ADK: variants seen among roughly 807,000 people sequenced by gnomAD.
The protein encoded by ADK is N6,N6-dimethyladenosine kinase.
A neutral mutation model predicts 44.7 loss-of-function variants in ADK; 24 were observed. The ratio of observed to expected loss-of-function variants is 0.54; its 90% CI spans 0.39 to 0.76. The LOEUF (loss-of-function observed/expected upper bound fraction) is 0.76. Ranked by LOEUF, ADK falls within the 30% of genes least tolerant of loss-of-function variation. ADK has a pLI of 0.00. For synonymous variants in ADK, 128 were observed against 142.6 expected (o/e 0.90, Z 0.73); for missense variants, 321 against 425.1 (o/e 0.76, Z 2.15).
chr10:74,363,203 C>T (rs1404808461), intron 4 of ADK, among the ~76,000 whole-genome samples: 9 of 152,174 alleles, frequency 5.9e-5, no homozygotes, highest in South Asian at 2.1e-4. Flanking sequence ...TCCAGTTGGG[C>T]GTGTGTCTCC....
chr10:74,659,025 A>G (rs1854598451), intron 9 of ADK, among the ~76,000 whole-genome samples: 1 of 151,982 alleles, frequency 6.6e-6, no homozygotes, highest in Non-Finnish European at 1.5e-5. Context: ...AAACCAGCCT[A>G]GGCAACATAG....
chr10:74,289,902 T>C (rs1591993069), intron 3 of ADK, among the ~76,000 whole-genome samples: 1 of 152,036 alleles, frequency 6.6e-6, no homozygotes, highest in Middle Eastern at 3.4e-3. Context: ...TATATTGTAG[T>C]ACACCTGAAA....
Position 74,224,583 on chromosome 10 carries a change from C to T in ADK, c.186C>T (p.His62=), listed in dbSNP as rs369965648. The T allele has an allele frequency of 1.6e-5, 26 of 1,613,318 alleles. No individual in the cohort carries two copies. The highest frequency in any genetic ancestry group is 1.9e-5 in the Non-Finnish European group (23 of 1,179,568). Residue 62 remains histidine, a synonymous_variant, in exon 3 of 11, where the codon CAC becomes CAT. Transcript: ENST00000539909. ...ACCAAATCTTGGCTGAAGACAAACA[C>T]AAGGAACTGTAAGTGCATTAAACCA... ...PNDQILAEDK[H]KELFDELVKK...
chr10:74,568,645 T>C (rs1850791928), intron 7 of ADK, among the ~76,000 whole-genome samples: 1 of 151,848 alleles, frequency 6.6e-6, no homozygotes, highest in South Asian at 2.1e-4. Flanking sequence ...ATTTCTTTTT[T>C]TTTTTTTTAC....
At chr10:74,462,007 G>C (rs1244000271) in intron 6 of ADK, among the ~76,000 whole-genome samples, 1 of 152,038 alleles carries the variant, frequency 6.6e-6, no homozygotes. Flanking sequence ...GTTGGTTGTT[G>C]AGTTATTATG....
chr10:74,438,431 C>T (rs1002779634), intron 6 of ADK, among the ~76,000 whole-genome samples: 2 of 151,518 alleles, frequency 1.3e-5, no homozygotes, highest in East Asian at 1.9e-4. Flanking sequence ...GGGGTTTTAC[C>T]GTGTTAGCCA....
intron 3 of ADK, among the ~76,000 whole-genome samples, chr10:74,303,493 T>C (rs1219146067): frequency 6.6e-6 from 1 of 151,762 alleles, no homozygotes; most frequent in East Asian, 1.9e-4. Context: ...TGTTTTAAAC[T>C]TCAGCAAACT....
At position 74,568,761 on chromosome 10, in the gene ADK, G is replaced by T. The variant is rs1338427103; in HGVS notation, c.727-20521G>T. On this transcript the variant is annotated intron_variant, in intron 7 of 10. Coordinates refer to ENST00000539909, the MANE Select transcript of ADK (RefSeq NM_006721.4). ...TTATAATTCTGTATAATAGTTATTT[G>T]TACTTTTTATATTTTTATCTTTTTT... 3.3e-5 allele frequency among the ~76,000 whole-genome samples: 5 copies of T among 149,856 alleles called. 1 individual carries two copies. The highest frequency in any genetic ancestry group is 1.2e-4 in the African/African-American group (5 of 40,690).
chr10:74,600,394 G>A lies in ADK; in HGVS notation c.778G>A (p.Glu260Lys). Residue 260 changes from glutamate to lysine, a missense_variant, in exon 9 of 11, where the codon GAG becomes AAG. Glu to Lys is a moderately conservative substitution (Grantham distance 56, BLOSUM62 1). Coordinates refer to ENST00000539909, the MANE Select transcript of ADK (RefSeq NM_006721.4). ...CTATTAATAGACTAAAGACATTAAAGAGATAGCCAAAAAGACACAAGCCCT... is the reference window on the plus strand; with the variant it reads ...CTATTAATAGACTAAAGACATTAAAAAGATAGCCAAAAAGACACAAGCCCT... ...EQGFETKDIK[E>K]IAKKTQALPK... The A allele has an allele frequency of 6.2e-7, 1 of 1,609,380 alleles. No homozygotes were observed. The highest frequency in any genetic ancestry group is 8.5e-7 in the Non-Finnish European group (1 of 1,177,342).
At chr10:74,490,615 A>C (rs559955460) in intron 6 of ADK, among the ~76,000 whole-genome samples, 52 of 152,096 alleles carry the variant, frequency 3.4e-4, no homozygotes, top group Non-Finnish European at 5.9e-4. Context: ...AGAGAAAAAA[A>C]CTTTTTGAAC....
chr10:74,694,065 T>C (rs1178786878), intron 10 of ADK, among the ~76,000 whole-genome samples: 2 of 152,096 alleles, frequency 1.3e-5, no homozygotes, highest in East Asian at 3.9e-4. Flanking sequence ...TAATGTAGCT[T>C]ATTATAGAAT....
intron 9 of ADK, among the ~76,000 whole-genome samples, chr10:74,654,068 C>T (rs1854386597): frequency 6.6e-6 from 1 of 152,148 alleles, no homozygotes; most frequent in South Asian, 2.1e-4. Context: ...AAATATTTTC[C>T]ATTGCCACCA....
Position 74,394,152 on chromosome 10 carries a change from A to G in ADK, c.285A>G (p.Gln95=), listed in dbSNP as rs1486526459. The G allele has an allele frequency of 6.2e-7, 1 of 1,614,034 alleles. No individual in the cohort carries two copies. Among genetic ancestry groups the G allele is most frequent in the Non-Finnish European group, 8.5e-7 (1 of 1,179,920 alleles). ...NSIKVAQWMI[Q]QPHKAATFFG... Reference sequence around the variant, plus strand: ...TTCCTGTTTTACAGTGGATGATTCAACAGCCACACAAAGCAGCAACATTTT... The same window carrying G: ...TTCCTGTTTTACAGTGGATGATTCAGCAGCCACACAAAGCAGCAACATTTT... Residue 95 remains glutamine (Q), a synonymous_variant, in exon 5 of 11, where the codon CAA becomes CAG. Transcript: ENST00000539909.
At chr10:74,176,612 G>A in intron 1 of ADK, 1 of 1,391,028 alleles carries the variant, frequency 7.2e-7, no homozygotes, top group Non-Finnish European at 9.3e-7. Flanking sequence ...GCGCGCCAGT[G>A]AGCTGGCACG....
At chr10:74,481,567 C>A (rs1410186984) in intron 6 of ADK, among the ~76,000 whole-genome samples, 4 of 152,102 alleles carry the variant, frequency 2.6e-5, no homozygotes, top group Non-Finnish European at 4.4e-5. Context: ...CTTCTCTATA[C>A]TTTAGTGTCT....
At chr10:74,389,693 G>A (rs1843271667) in intron 4 of ADK, among the ~76,000 whole-genome samples, 1 of 151,990 alleles carries the variant, frequency 6.6e-6, no homozygotes, top group African/African-American at 2.4e-5. Flanking sequence ...GTCAATATCT[G>A]AATGTCAGAA....
At chr10:74,637,104 A>G (rs1332819568) in intron 9 of ADK, among the ~76,000 whole-genome samples, 1 of 152,228 alleles carries the variant, frequency 6.6e-6, no homozygotes, top group Non-Finnish European at 1.5e-5. Context: ...TGATAAACCC[A>G]ATAGTAAGAA....
At chr10:74,288,866 G>A (rs1478255578) in intron 3 of ADK, among the ~76,000 whole-genome samples, 1 of 152,086 alleles carries the variant, frequency 6.6e-6, no homozygotes. Context: ...ATTTCACTTT[G>A]CTTTCTTAAT....
At chr10:74,615,865 C>G (rs115823274) in intron 9 of ADK, among the ~76,000 whole-genome samples, 7 of 151,984 alleles carry the variant, frequency 4.6e-5, no homozygotes, top group Non-Finnish European at 1.0e-4. Flanking sequence ...CCCACCATCA[C>G]GCCTGGCTCA....
Sources: gnomAD v4.1 joint callset for allele counts (sites outside exome capture counted in the v4.1 genomes callset) on GRCh38, gnomAD v4.1.1 for gene constraint, MANE v1.5 for transcripts, NCBI Gene and HGNC (gene_info 2026-07-23, HGNC 2026-07-21) for gene names.